The following INCENP variants were observed in gnomAD, a reference collection of about 807,000 sequenced individuals.
The protein encoded by INCENP is inner centromere protein, also known as binds and activates aurora-B and -C in vivo and in vitro.
Under a neutral mutation model 107.3 loss-of-function variants are expected in INCENP, and 43 were observed. That is an observed-to-expected ratio of 0.40 (90% CI 0.31 to 0.52). The LOEUF is 0.52. Ranked by LOEUF, INCENP falls within the 20% of genes least tolerant of loss-of-function variation. The probability of loss-of-function intolerance (pLI) is 0.53; values close to 1 mark genes in which losing one functional copy is unlikely to be tolerated. For missense variants in INCENP, 1,089 were observed against 1,250.9 expected, an observed-to-expected ratio of 0.87 and a Z score of 1.95; for synonymous variants, 488 against 494.4, an observed-to-expected ratio of 0.99 and a Z score of 0.17.
intron 4 of INCENP, among the ~76,000 whole-genome samples, chr11:62,131,727 C>T (rs1404995075): frequency 6.6e-6 from 1 of 151,608 alleles, no homozygotes; most frequent in African/African-American, 2.4e-5. Flanking sequence ...TGTAAGGATG[C>T]AGGCAGAGGA....
At position 62,148,803 on chromosome 11, in the gene INCENP, C is replaced by T. The variant is rs1359129163; in HGVS notation, c.2348C>T (p.Ala783Val). 13 of 1,606,374 alleles carry T rather than the reference C, an allele frequency of 8.1e-6. No individual in the cohort carries two copies. Among genetic ancestry groups the T allele is most frequent in the Non-Finnish European group, 1.0e-5 (12 of 1,176,972 alleles). ...GAGCAAGAGAAGAAAGCCAAGGAGGCAGCAGGGGCCAGCAAGGCCCTGAAT... is the reference window on the plus strand; with the variant it reads ...GAGCAAGAGAAGAAAGCCAAGGAGGTAGCAGGGGCCAGCAAGGCCCTGAAT... ...QEEQEKKAKE[A>V]AGASKALNVT... Residue 783 changes from alanine (A) to valine (V), a missense_variant, in exon 17 of 19, where the codon GCA becomes GTA. Coordinates refer to ENST00000394818, the MANE Select transcript of INCENP (RefSeq NM_001040694.2).
At position 62,146,715 on chromosome 11, in the gene INCENP, G is replaced by A; in HGVS notation, c.2017G>A (p.Glu673Lys). 1 of 1,550,700 alleles carries A rather than the reference G, an allele frequency of 6.4e-7. No individual in the cohort carries two copies. Among genetic ancestry groups the A allele is most frequent in the Non-Finnish European group, 8.7e-7 (1 of 1,146,848 alleles). ...LLQKKKEEEQ[E>K]RLRKAAEAKR... ...GCAGAAGAAGAAGGAAGAGGAGCAG[G>A]AGCGGCTGCGGAAGGCGGCCGAGGC... Residue 673 changes from glutamate to lysine, a missense_variant, in exon 15 of 19, where the codon GAG (glutamate) becomes AAG (lysine). By Grantham distance (56) the Glu-to-Lys change is moderately conservative (BLOSUM62 1). Transcript: ENST00000394818.
intron 13 of INCENP, 50 bp downstream of exon 13, chr11:62,145,339 G>C (rs763453912): frequency 5.0e-6 from 8 of 1,610,152 alleles, no homozygotes; most frequent in African/African-American, 1.3e-5. Flanking sequence ...TTGGGCCAAG[G>C]GTTAGGACTG....
At position 62,151,808 on chromosome 11, in the gene INCENP, G is replaced by A. The variant is rs771720381; in HGVS notation, c.2589G>A (p.Pro863=). ...TCATTCACCAGTACTACCACCCACC[G>A]AACCTTCTGGAGCTCTTTGGAACCA... ...QAIIHQYYHP[P]NLLELFGTIL... Residue 863 remains proline, a synonymous_variant, in exon 19 of 19, where the codon CCG becomes CCA. Coordinates refer to ENST00000394818, the MANE Select transcript of INCENP (RefSeq NM_001040694.2). 2.5e-5 allele frequency: 41 copies of A among 1,614,044 alleles called. No individual in the cohort carries two copies. The highest frequency in any genetic ancestry group is 8.0e-5 in the African/African-American group (6 of 74,924).
intron 1 of INCENP, among the ~76,000 whole-genome samples, chr11:62,125,323 C>T (rs1943725765): frequency 6.6e-6 from 1 of 152,238 alleles, no homozygotes; most frequent in Admixed American, 6.5e-5. Context: ...GTGAAAGAAG[C>T]TCTCATCCAC....
intron 1 of INCENP, among the ~76,000 whole-genome samples, chr11:62,127,278 C>T (rs768971626): frequency 2.6e-5 from 4 of 152,142 alleles, no homozygotes; most frequent in Non-Finnish European, 5.9e-5. Flanking sequence ...ATGTGATCTA[C>T]CTGCCTCGGC....
chr11:62,149,467 G>A (rs544198960), intron 17 of INCENP, among the ~76,000 whole-genome samples: 1 of 152,194 alleles, frequency 6.6e-6, no homozygotes, highest in East Asian at 1.9e-4. Flanking sequence ...TTGGAAGTTA[G>A]TATGGTATCT....
rs1944246861 is a variant in INCENP at position 62,146,583 on chromosome 11, C to T, written c.1960-75C>T. On this transcript the variant is annotated intron_variant, in intron 14 of 18. Transcript: ENST00000394818. Reference sequence around the variant, plus strand: ...GCTGATATGAGGGGCACCTGGGCTTCGGGGGAGTAGGGCTGCTGTCCTGCC... The same window carrying T: ...GCTGATATGAGGGGCACCTGGGCTTTGGGGGAGTAGGGCTGCTGTCCTGCC... 5 of 1,529,660 alleles carry T rather than the reference C, an allele frequency of 3.3e-6. No individual in the cohort carries two copies. In the South Asian group the frequency reaches 3.7e-5, roughly 11 times the overall value. 94.8% of individuals were successfully genotyped at this position (1,529,660 alleles called of 1,614,324 possible).
Position 62,131,536 on chromosome 11 carries a change from G to A in INCENP, c.1063+946G>A, listed in dbSNP as rs571910566. Among the ~76,000 whole-genome samples, 12 of 152,258 alleles carry A rather than the reference G, an allele frequency of 7.9e-5. No homozygotes were observed. The South Asian group carries it at 1.2e-3, about 16-fold the overall frequency. On this transcript the variant is annotated intron_variant, in intron 4 of 18. Transcript: ENST00000394818. Reference sequence around the variant, plus strand: ...CTTTTGCTGAGTGGAAAAAAAATGCGGGGATATGTGTTATTGGCAGAGGGA... The same window carrying A: ...CTTTTGCTGAGTGGAAAAAAAATGCAGGGATATGTGTTATTGGCAGAGGGA...
At chr11:62,135,739 T>G (rs1490192570) in intron 4 of INCENP, among the ~76,000 whole-genome samples, 3 of 152,256 alleles carry the variant, frequency 2.0e-5, no homozygotes, top group African/African-American at 7.2e-5. Flanking sequence ...CCTTAGATAT[T>G]AGGATGCTGT....
intron 17 of INCENP, 121 bp from the exon 18 acceptor site, chr11:62,149,936 T>G: frequency 6.1e-6 from 6 of 986,294 alleles, no homozygotes; most frequent in African/African-American, 1.6e-5. Flanking sequence ...AAAGAAAAAG[T>G]GATCCTGCAC....
intron 2 of INCENP, 32 bp downstream of exon 2, chr11:62,128,333 A>C (rs760240154): frequency 1.9e-6 from 3 of 1,613,216 alleles, no homozygotes; most frequent in African/African-American, 1.3e-5. Flanking sequence ...GGCTGGGAAC[A>C]CCAGGGCCTG....
At chr11:62,151,446 G>A (rs1413530910) in intron 18 of INCENP, among the ~76,000 whole-genome samples, 2 of 152,230 alleles carry the variant, frequency 1.3e-5, no homozygotes, top group South Asian at 4.1e-4. Flanking sequence ...TTAGCTGTAT[G>A]CCTTTGGGCA....
rs570356348 is a variant in INCENP at position 62,141,605 on chromosome 11, C to T, written c.1605+94C>T. ...GCGTAGCTGACAGCACCTGTAGATG[C>T]ACTAACATTGTAAGCGGGAGGGGAG... On this transcript the variant is annotated intron_variant, in intron 11 of 18. Transcript: ENST00000394818. 73 of 1,477,628 alleles carry T rather than the reference C, an allele frequency of 4.9e-5. 1 individual carries two copies. The South Asian group carries it at 7.8e-4, about 16-fold the overall frequency. 91.5% of individuals were successfully genotyped at this position (1,477,628 alleles called of 1,614,324 possible).
At chr11:62,147,438 T>A (rs1366535820) in intron 15 of INCENP, among the ~76,000 whole-genome samples, 1 of 152,166 alleles carries the variant, frequency 6.6e-6, no homozygotes, top group East Asian at 1.9e-4. Context: ...AAGAGTTCCA[T>A]GTTTAGTTTT....
intron 5 of INCENP, 67 bp from the exon 6 acceptor site, chr11:62,138,646 G>A: frequency 3.4e-6 from 5 of 1,492,240 alleles, no homozygotes; most frequent in Non-Finnish European, 3.7e-6. Flanking sequence ...GAATGGTAGA[G>A]GGACTCCCTA....
chr11:62,144,739 A>G (rs935476477), intron 11 of INCENP: 21 of 749,708 alleles, frequency 2.8e-5, no homozygotes, highest in Non-Finnish European at 4.6e-5. Flanking sequence ...GGCAGGGCTC[A>G]ATGGAGGGCA....
chr11:62,148,165 G>T (rs538530005), intron 15 of INCENP, among the ~76,000 whole-genome samples: 2 of 152,326 alleles, frequency 1.3e-5, no homozygotes, highest in South Asian at 4.1e-4. Context: ...TGATTCTCAT[G>T]TTGACCCTGG....
chr11:62,131,921 A>T (rs1943902214), intron 4 of INCENP, among the ~76,000 whole-genome samples: 1 of 152,058 alleles, frequency 6.6e-6, no homozygotes. Flanking sequence ...AGCAGGGATT[A>T]CAAGCGCCCG....
Sources: allele counts gnomAD v4.1 joint callset (sites outside exome capture counted in the v4.1 genomes callset), GRCh38; gene constraint gnomAD v4.1.1; transcripts MANE v1.5; gene names NCBI Gene and HGNC (gene_info 2026-07-23, HGNC 2026-07-21).